The following AGL variants were observed in gnomAD, a reference collection of about 807,000 sequenced individuals.
AGL encodes the protein glycogen debranching enzyme.
A neutral mutation model predicts 199.3 loss-of-function variants in AGL; 128 were observed. The observed-to-expected ratio is 0.64, with a 90% CI of 0.56 to 0.74. AGL has a LOEUF of 0.74. Ranked by LOEUF, AGL falls within the 30% of genes least tolerant of loss-of-function variation. The pLI is 0.00. For synonymous variants in AGL, 584 were observed against 594.7 expected, an observed-to-expected ratio of 0.98 and a Z score of 0.26; for missense variants, 1,809 against 1,820.8, an observed-to-expected ratio of 0.99 and a Z score of 0.12.
At chr1:99,918,915 T>C (rs1018927094) in intron 33 of AGL, among the ~76,000 whole-genome samples, 2 of 151,764 alleles carry the variant, frequency 1.3e-5, no homozygotes, top group African/African-American at 4.9e-5. Context: ...AACAAGCAAG[T>C]GTTCCTGACG....
At chr1:99,912,292 T>C in intron 28 of AGL, 113 bp from the exon 29 acceptor site, 1 of 822,976 alleles carries the variant, frequency 1.2e-6, no homozygotes. Context: ...AAGGATTTTT[T>C]AATAGTTTTC....
intron 27 of AGL, among the ~76,000 whole-genome samples, chr1:99,905,148 C>T (rs760188969): frequency 3.2e-4 from 49 of 151,954 alleles, no homozygotes; most frequent in Non-Finnish European, 5.9e-4. Context: ...GGTGGTACCC[C>T]TTTCTTTTAA....
intron 20 of AGL, 102 bp downstream of exon 20, chr1:99,884,805 A>G (rs1652327970): frequency 1.4e-6 from 2 of 1,418,618 alleles, no homozygotes; most frequent in Admixed American, 3.4e-5. Context: ...TTGCTACTCA[A>G]AGTACGGTCC....
chr1:99,862,427 A>G lies in AGL; in HGVS notation c.460+4A>G, dbSNP rs1650126487. On this transcript the variant is annotated splice_donor_region_variant and intron_variant, in intron 4 of 33. Coordinates refer to ENST00000361915, the MANE Select transcript of AGL (RefSeq NM_000642.3). Reference sequence around the variant, plus strand: ...CTTAGGGTTGCAAAAGAATCAGGTAATGTCAGCTTGCTTTCTTTTTCTTAT... The same window carrying G: ...CTTAGGGTTGCAAAAGAATCAGGTAGTGTCAGCTTGCTTTCTTTTTCTTAT... 1.9e-6 allele frequency: 3 copies of G among 1,613,788 alleles called. No individual in the cohort carries two copies.
intron 7 of AGL, among the ~76,000 whole-genome samples, chr1:99,872,983 C>A (rs572914578): frequency 1.3e-5 from 2 of 152,020 alleles, no homozygotes; most frequent in South Asian, 4.2e-4. Context: ...TTACACAGGC[C>A]TCAAATATAT....
At chr1:99,902,057 A>T (rs1288359128) in intron 26 of AGL, among the ~76,000 whole-genome samples, 1 of 152,122 alleles carries the variant, frequency 6.6e-6, no homozygotes, top group African/African-American at 2.4e-5. Context: ...GGTTATATTC[A>T]GAGTCTTTAA....
At chr1:99,861,161 T>G in intron 2 of AGL, 2 of 1,168,918 alleles carry the variant, frequency 1.7e-6, no homozygotes, top group Non-Finnish European at 2.1e-6. Flanking sequence ...ATGCCTGCCA[T>G]TGGGTACTTA....
intron 26 of AGL, among the ~76,000 whole-genome samples, chr1:99,901,205 G>A (rs959687463): frequency 6.6e-6 from 1 of 151,810 alleles, no homozygotes; most frequent in African/African-American, 2.4e-5. Context: ...AGCCATAAAA[G>A]GTGAGTAGGA....
intron 2 of AGL, among the ~76,000 whole-genome samples, chr1:99,857,847 A>AGGGAGACCGTGGGGGGGGGGAGGGGGG (rs1649685231): frequency 1.2e-4 from 1 of 8,222 alleles, no homozygotes; most frequent in African/African-American, 4.8e-4. Context: ...GGGGAGGGGG[A>AGGGAGACCGTGGGGGGGGGGAGGGGGG]GGGGGGAAGA....
upstream of AGL, among the ~76,000 whole-genome samples, chr1:99,849,326 C>T (rs1648720951): frequency 6.6e-6 from 1 of 152,098 alleles, no homozygotes; most frequent in Admixed American, 6.5e-5. Flanking sequence ...CTTCTCCACA[C>T]GCCACAAGTC....
intron 5 of AGL, among the ~76,000 whole-genome samples, chr1:99,867,659 G>A (rs925662535): frequency 1.3e-5 from 2 of 151,610 alleles, no homozygotes; most frequent in Admixed American, 1.3e-4. Flanking sequence ...GGGTTCAAGC[G>A]ATTCTTGTGC....
chr1:99,852,385 T>G (rs550821061), intron 2 of AGL, among the ~76,000 whole-genome samples: 1 of 150,706 alleles, frequency 6.6e-6, no homozygotes, highest in African/African-American at 2.4e-5. Context: ...TTTTCTCTTT[T>G]TCTGAGACAG....
intron 11 of AGL, among the ~76,000 whole-genome samples, chr1:99,877,120 C>T (rs1047967051): frequency 3.3e-5 from 5 of 152,052 alleles, no homozygotes; most frequent in African/African-American, 7.2e-5. Context: ...TTTAACATTT[C>T]GAAACTAGGA....
In AGL at chr1:99,916,486, C is replaced by T. The variant is rs1655124280; in HGVS notation, c.4336C>T (p.His1446Tyr). 1 of 1,610,748 alleles carries T rather than the reference C, an allele frequency of 6.2e-7. No individual in the cohort carries two copies. ...CAATCTTGCTAAAGGTTTCAATTAT[C>T]ACCAAGGACCTGTAAGAATTTCATT... ...NYNLAKGFNY[H>Y]QGPEWLWPIG... is the part of the protein sequence containing the mutation. Residue 1446 changes from histidine (H) to tyrosine (Y), a missense_variant, in exon 32 of 34, where the codon CAC becomes TAC. Physicochemically the swap from His to Tyr is moderately conservative, Grantham distance 83 (BLOSUM62 2). Transcript: ENST00000361915.
Position 99,884,393 on chromosome 1 carries a change from G to C in AGL, c.2488G>C (p.Glu830Gln), listed in dbSNP as rs752153469. The C allele has an allele frequency of 1.9e-5, 30 of 1,612,814 alleles. No homozygotes were observed. In the Middle Eastern group the frequency reaches 6.6e-4, roughly 36 times the overall value. Reference sequence around the variant, plus strand: ...TGGAGTTGCCACAAAAGGGCCCAATGAATATATTCAAGAAATAGAATTTGA... The same window carrying C: ...TGGAGTTGCCACAAAAGGGCCCAATCAATATATTCAAGAAATAGAATTTGA... ...QAGVATKGPN[E>Q]YIQEIEFENL... is the part of the protein sequence containing the mutation. The change falls in exon 19 of 34, where the codon GAA becomes CAA. Residue 830 changes from glutamate to glutamine, a missense_variant. By Grantham distance (29) the Glu-to-Gln change is conservative. Transcript: ENST00000361915.
intron 3 of AGL, 59 bp from the exon 4 acceptor site, chr1:99,862,198 A>G (rs1650100636): frequency 2.0e-6 from 3 of 1,495,682 alleles, no homozygotes; most frequent in Non-Finnish European, 1.9e-6. Flanking sequence ...AGACTATATT[A>G]TATGAGGATT....
intron 25 of AGL, among the ~76,000 whole-genome samples, chr1:99,900,309 G>A (rs1172729101): frequency 3.3e-5 from 5 of 152,048 alleles, no homozygotes; most frequent in Admixed American, 6.5e-5. Flanking sequence ...TAGTTACTTC[G>A]ATTTTGAAAT....
intron 5 of AGL, among the ~76,000 whole-genome samples, chr1:99,866,800 T>TTTATTTA (rs1553184029): frequency 6.6e-6 from 1 of 151,018 alleles, no homozygotes; most frequent in Admixed American, 6.6e-5. Context: ...ACAAGTTTTC[T>TTTATTTA]TTTATTTATT....
chr1:99,894,211 T>C (rs937961536), intron 24 of AGL, among the ~76,000 whole-genome samples: 36 of 152,068 alleles, frequency 2.4e-4, no homozygotes, highest in Non-Finnish European at 2.6e-4. Context: ...ATTTGTAGCC[T>C]GTTCTAATAA....
Sources: gnomAD v4.1 joint callset for allele counts (sites outside exome capture counted in the v4.1 genomes callset) on GRCh38, gnomAD v4.1.1 for gene constraint, MANE v1.5 for transcripts, NCBI Gene and HGNC (gene_info 2026-07-23, HGNC 2026-07-21) for gene names.